NRXN1: variants seen among roughly 807,000 people sequenced by gnomAD.
The protein encoded by NRXN1 is neurexin-1.
Under a neutral mutation model 150.9 loss-of-function variants are expected in NRXN1, and 39 were observed. The ratio of observed to expected loss-of-function variants is 0.26; its 90% CI spans 0.20 to 0.34. The LOEUF (loss-of-function observed/expected upper bound fraction) is 0.34, where lower values mean the gene tolerates loss of function less well. NRXN1 is among the 10% of genes least tolerant of loss of function. NRXN1 has a pLI of 1.00. For missense variants in NRXN1, 1,815 were observed against 1,949.9 expected, an observed-to-expected ratio of 0.93 and a Z score of 1.30; for synonymous variants, 924 against 757.0, an observed-to-expected ratio of 1.22 and a Z score of -3.62.
intron 5 of NRXN1, among the ~76,000 whole-genome samples, chr2:50,685,519 T>C (rs1691093141): frequency 2.0e-5 from 3 of 152,184 alleles, no homozygotes; most frequent in Admixed American, 2.0e-4. Flanking sequence ...TCTGTTTCTT[T>C]CCAGTCTTTA....
At position 50,790,068 on chromosome 2, in the gene NRXN1, C is replaced by A. The variant is rs117931038; in HGVS notation, c.832+131801G>T. ...CTGTAAGCCTGGCCCTTTGGATTTT[C>A]CCACAGTATCAGCCTAAAAGGCCAA... On this transcript the variant is annotated intron_variant, in intron 5 of 22. Transcript: ENST00000401669. Among the ~76,000 whole-genome samples the A allele has an allele frequency of 3.7e-4, 57 of 152,104 alleles. No homozygotes were observed. The East Asian group carries it at 9.3e-3, about 25-fold the overall frequency.
At chr2:50,410,290 G>A (rs77027482) in intron 17 of NRXN1, among the ~76,000 whole-genome samples, 3 of 152,116 alleles carry the variant, frequency 2.0e-5, no homozygotes, top group Admixed American at 2.0e-4. Context: ...TCTAAAGCTT[G>A]CACTGCTATC....
At chr2:50,334,224 T>TATATA (rs2077037315) in intron 17 of NRXN1, among the ~76,000 whole-genome samples, 3 of 145,696 alleles carry the variant, frequency 2.1e-5, no homozygotes, top group African/African-American at 8.1e-5. Context: ...TATGTAGATA[T>TATATA]TGTTTAACGG....
chr2:50,653,202 G>A (rs984367836), intron 5 of NRXN1, among the ~76,000 whole-genome samples: 3 of 151,984 alleles, frequency 2.0e-5, no homozygotes, highest in African/African-American at 7.2e-5. Flanking sequence ...ACCAAATCTA[G>A]CAGAGTTTAT....
chr2:50,556,109 A>G (rs1391687516), intron 8 of NRXN1, among the ~76,000 whole-genome samples: 1 of 152,174 alleles, frequency 6.6e-6, no homozygotes, highest in Non-Finnish European at 1.5e-5. Flanking sequence ...AAAACAGAAA[A>G]GCAATTTTGC....
At chr2:50,999,606 G>C (rs767773932) in intron 2 of NRXN1, among the ~76,000 whole-genome samples, 1 of 151,936 alleles carries the variant, frequency 6.6e-6, no homozygotes, top group Non-Finnish European at 1.5e-5. Flanking sequence ...TCTCAGACCA[G>C]CTGACACTTA....
At chr2:50,188,201 G>T (rs1252049100) in intron 18 of NRXN1, among the ~76,000 whole-genome samples, 1 of 152,008 alleles carries the variant, frequency 6.6e-6, no homozygotes, top group Non-Finnish European at 1.5e-5. Flanking sequence ...CAGAATGGAG[G>T]CCTCAGAAAT....
chr2:50,533,557 T>C (rs1421249138), intron 10 of NRXN1, among the ~76,000 whole-genome samples: 9 of 152,158 alleles, frequency 5.9e-5, no homozygotes, highest in Admixed American at 5.2e-4. Flanking sequence ...TCTGAATTGA[T>C]TGCTGTTCAC....
chr2:50,712,806 T>C (rs1423841264), intron 5 of NRXN1, among the ~76,000 whole-genome samples: 2 of 152,184 alleles, frequency 1.3e-5, no homozygotes, highest in Non-Finnish European at 2.9e-5. Context: ...GGTGCCAACC[T>C]ACTCAGCCAA....
chr2:50,654,341 C>T (rs11689797), intron 5 of NRXN1, among the ~76,000 whole-genome samples: 77,594 of 150,916 alleles, frequency 0.51, 20,603 homozygotes, highest in East Asian at 0.67. Context: ...CATCCATGTC[C>T]CTACAAAGGA....
chr2:50,476,121 T>G (rs1321786105), intron 15 of NRXN1, among the ~76,000 whole-genome samples: 1 of 152,116 alleles, frequency 6.6e-6, no homozygotes, highest in Non-Finnish European at 1.5e-5. Flanking sequence ...ATTGGGACAC[T>G]TTCAGCAAAA....
intron 17 of NRXN1, among the ~76,000 whole-genome samples, chr2:50,438,959 T>C (rs2085685669): frequency 6.6e-6 from 1 of 152,228 alleles, no homozygotes; most frequent in Admixed American, 6.5e-5. Flanking sequence ...ATAGTCACTA[T>C]GGAAAGTTGC....
intron 19 of NRXN1, among the ~76,000 whole-genome samples, chr2:50,070,856 T>C (rs1248075987): frequency 4.0e-5 from 6 of 150,356 alleles, no homozygotes; most frequent in Non-Finnish European, 5.9e-5. Flanking sequence ...GCATCCTAAA[T>C]AATGCAGTAG....
intron 5 of NRXN1, among the ~76,000 whole-genome samples, chr2:50,839,151 T>C (rs963266077): frequency 3.9e-5 from 6 of 152,144 alleles, no homozygotes; most frequent in Admixed American, 3.9e-4. Context: ...CTGTTTAAAC[T>C]AAAAATAAAT....
chr2:50,315,785 C>T (rs1013837994), intron 17 of NRXN1, among the ~76,000 whole-genome samples: 2 of 152,128 alleles, frequency 1.3e-5, no homozygotes, highest in African/African-American at 4.8e-5. Context: ...AAATTAACCA[C>T]CATAGTAATG....
intron 18 of NRXN1, among the ~76,000 whole-genome samples, chr2:50,115,270 T>C (rs1702905524): frequency 6.7e-6 from 1 of 148,170 alleles, no homozygotes; most frequent in African/African-American, 2.5e-5. Flanking sequence ...TAATAATACA[T>C]ATTTTATATA....
Position 49,987,404 on chromosome 2 carries a change from T to C in NRXN1, c.4129-43613A>G, listed in dbSNP as rs1681113414. Among the ~76,000 whole-genome samples, 7 of 152,340 alleles carry C rather than the reference T, an allele frequency of 4.6e-5. 2 individuals are homozygous for C. The South Asian group carries it at 1.4e-3, about 32-fold the overall frequency. ...GAGAAACACTGCTCTGTTTTTATAATATTTAGAGCATATATTATTTATTAT... is the reference window on the plus strand; with the variant it reads ...GAGAAACACTGCTCTGTTTTTATAACATTTAGAGCATATATTATTTATTAT... On this transcript the variant is annotated intron_variant, in intron 21 of 22. Transcript: ENST00000401669.
intron 5 of NRXN1, among the ~76,000 whole-genome samples, chr2:50,703,403 G>C (rs1273455400): frequency 6.6e-6 from 1 of 152,140 alleles, no homozygotes; most frequent in Non-Finnish European, 1.5e-5. Context: ...TGGCACTCAA[G>C]GGAAGGGAGC....
intron 5 of NRXN1, among the ~76,000 whole-genome samples, chr2:50,635,670 TA>T (rs933890310): frequency 1.2e-4 from 19 of 152,128 alleles, no homozygotes; most frequent in African/African-American, 4.6e-4. Context: ...TTACTTTTGG[TA>T]AAAAAAGCTA....
Sources: allele counts gnomAD v4.1 joint callset (sites outside exome capture counted in the v4.1 genomes callset), GRCh38; gene constraint gnomAD v4.1.1; transcripts MANE v1.5; gene names NCBI Gene and HGNC (gene_info 2026-07-23, HGNC 2026-07-21).